XKR3: variants seen among roughly 807,000 people sequenced by gnomAD.
The protein encoded by XKR3 is XK related 3.
In XKR3, 27 loss-of-function variants were observed where a neutral mutation model predicts 40.3. That is an observed-to-expected ratio of 0.67 (90% confidence interval 0.49 to 0.92). The LOEUF is 0.92. XKR3 is among the 40% of genes least tolerant of loss of function. XKR3 has a pLI of 0.00. For missense variants in XKR3, 472 were observed against 537.6 expected, an observed-to-expected ratio of 0.88 and a Z score of 1.21; for synonymous variants, 193 against 195.4, an observed-to-expected ratio of 0.99 and a Z score of 0.10.
At chr22:16,805,205 A>T (rs1273791058) in intron 2 of XKR3, among the ~76,000 whole-genome samples, 3 of 152,232 alleles carry the variant, frequency 2.0e-5, no homozygotes, top group Non-Finnish European at 4.4e-5. Flanking sequence ...ACACAAAAAA[A>T]CATTAAAGCT....
chr22:16,806,627 C>T (rs1384632472), intron 2 of XKR3, among the ~76,000 whole-genome samples: 5 of 151,762 alleles, frequency 3.3e-5, no homozygotes, highest in Admixed American at 6.6e-5. Flanking sequence ...TTAGCAGAGA[C>T]GGTTTTTCAC....
chr22:16,800,105 G>A (rs2060162367), intron 2 of XKR3, 81 bp from the exon 3 acceptor site: 6 of 1,490,542 alleles, frequency 4.0e-6, no homozygotes, highest in Non-Finnish European at 4.5e-6. Flanking sequence ...ATCAGGAGAG[G>A]AACTCTTAAT....
chr22:16,786,759 A>C (rs2060092432), intron 3 of XKR3, among the ~76,000 whole-genome samples: 2 of 152,164 alleles, frequency 1.3e-5, no homozygotes. Context: ...ATCTCTGGAC[A>C]GGCTTACTGT....
intron 3 of XKR3, among the ~76,000 whole-genome samples, chr22:16,792,729 A>G (rs1405348888): frequency 6.6e-6 from 1 of 152,250 alleles, no homozygotes; most frequent in Non-Finnish European, 1.5e-5. Flanking sequence ...CTGATGTCAA[A>G]TGACATCTTT....
At chr22:16,792,618 G>A (rs1337663046) in intron 3 of XKR3, among the ~76,000 whole-genome samples, 3 of 152,194 alleles carry the variant, frequency 2.0e-5, no homozygotes, top group Non-Finnish European at 4.4e-5. Context: ...ATGCCCACTT[G>A]TCAAATATCT....
At chr22:16,801,685 G>T (rs2060169568) in intron 2 of XKR3, among the ~76,000 whole-genome samples, 1 of 140,596 alleles carries the variant, frequency 7.1e-6, no homozygotes, top group African/African-American at 2.8e-5. Context: ...AAAGCTATCA[G>T]CAAAAAAAAA....
chr22:16,815,126 TTC>T (rs1360779103), intron 1 of XKR3, among the ~76,000 whole-genome samples: 2 of 151,804 alleles, frequency 1.3e-5, no homozygotes, highest in African/African-American at 4.8e-5. Context: ...CTGAGGTATT[TTC>T]TTTCTATTCC....
At chr22:16,808,598 T>C (rs1280428769) in intron 1 of XKR3, among the ~76,000 whole-genome samples, 1 of 152,208 alleles carries the variant, frequency 6.6e-6, no homozygotes, top group Non-Finnish European at 1.5e-5. Flanking sequence ...GCATTTAAAA[T>C]ACTGTTTCTT....
chr22:16,783,684 T>C lies in XKR3; in HGVS notation c.1315A>G (p.Asn439Asp). The change falls in exon 4 of 4, where the codon AAT (asparagine) becomes GAT (aspartate). Residue 439 changes from asparagine (N) to aspartate (D), a missense_variant. Transcript: ENST00000684488. Reference sequence around the variant, plus strand: ...ACCCTATTGCAGGAGTGACAGTAATTCCTCAGCTGCTTATTTTTATTCTTT... The same window carrying C: ...ACCCTATTGCAGGAGTGACAGTAATCCCTCAGCTGCTTATTTTTATTCTTT... ...TEKNKNKQLRNYCHSCNRVGY... is the reference protein window; with the variant it reads ...TEKNKNKQLRDYCHSCNRVGY... The C allele has an allele frequency of 1.2e-6, 2 of 1,613,124 alleles. No individual in the cohort carries two copies. Among genetic ancestry groups the C allele is most frequent in the Non-Finnish European group, 1.7e-6 (2 of 1,179,826 alleles).
At chr22:16,784,556 T>C (rs1601837561) in intron 3 of XKR3, 147 bp from the exon 4 acceptor site, 4 of 833,842 alleles carry the variant, frequency 4.8e-6, no homozygotes, top group Non-Finnish European at 7.3e-6. Context: ...GGTTTGTTAA[T>C]CTTCCATTTT....
chr22:16,803,956 A>T (rs751663760), intron 2 of XKR3, among the ~76,000 whole-genome samples: 38 of 152,182 alleles, frequency 2.5e-4, no homozygotes, highest in Middle Eastern at 3.2e-3. Flanking sequence ...CTTGCACAAG[A>T]TCCAAGAACC....
intron 1 of XKR3, among the ~76,000 whole-genome samples, chr22:16,812,798 C>T (rs1242037959): frequency 2.6e-5 from 4 of 152,124 alleles, no homozygotes; most frequent in African/African-American, 9.7e-5. Context: ...AACTCTGTAC[C>T]ATTAGCATTC....
Position 16,797,326 on chromosome 22 carries a change from C to T in XKR3, c.589+2445G>A, listed in dbSNP as rs574471878. Among the ~76,000 whole-genome samples the T allele has an allele frequency of 7.0e-4, 107 of 152,132 alleles. No individual in the cohort carries two copies. The East Asian group carries it at 0.018, about 26-fold the overall frequency. On this transcript the variant is annotated intron_variant, in intron 3 of 3. Transcript: ENST00000684488. ...AAAACACAAAAATAGAAAATTGGGA[C>T]CTAATTAAACTAAAGGTTTTCCGCA...
chr22:16,808,161 C>A, intron 1 of XKR3, 78 bp from the exon 2 acceptor site: 1 of 1,037,644 alleles, frequency 9.6e-7, no homozygotes, highest in South Asian at 1.9e-5. Flanking sequence ...ACAAGATTCT[C>A]TATAATTCAC....
intron 2 of XKR3, among the ~76,000 whole-genome samples, chr22:16,800,855 A>G (rs1241802438): frequency 6.6e-6 from 1 of 152,216 alleles, no homozygotes; most frequent in East Asian, 1.9e-4. Context: ...GAAATAATGG[A>G]GTACTTCAGA....
At chr22:16,816,366 G>A (rs2060233256) in intron 1 of XKR3, among the ~76,000 whole-genome samples, 1 of 150,560 alleles carries the variant, frequency 6.6e-6, no homozygotes, top group Admixed American at 6.6e-5. Context: ...TACACTTTCT[G>A]TAGTTATTCA....
rs1456414406 is a variant in XKR3, at chr22:16,784,404, G to A, written c.595C>T (p.Leu199=). 9.3e-5 allele frequency: 147 copies of A among 1,588,558 alleles called. No homozygotes were observed. The highest frequency in any genetic ancestry group is 1.2e-4 in the Non-Finnish European group (141 of 1,169,734). Residue 199 remains leucine (L), a synonymous_variant, in exon 4 of 4, where the codon CTG becomes TTG. Transcript: ENST00000684488. ...IREWPLNRAL[L]MTFSLLSVTY... is the part of the protein sequence containing the mutation. ...ACTGATAACAGGGAAAATGTCATCA[G>A]CAATGCTATTAAAGACAAACATGAA...
At chr22:16,789,972 A>G (rs973951206) in intron 3 of XKR3, among the ~76,000 whole-genome samples, 22 of 152,134 alleles carry the variant, frequency 1.4e-4, no homozygotes, top group Non-Finnish European at 2.2e-4. Flanking sequence ...TACAAAAAAT[A>G]ACTCAAATAC....
At chr22:16,816,594 G>T (rs569448191) in intron 1 of XKR3, among the ~76,000 whole-genome samples, 1 of 151,526 alleles carries the variant, frequency 6.6e-6, no homozygotes, top group East Asian at 1.9e-4. Context: ...AAAAATAATA[G>T]GTTTTATACT....
Sources: allele counts gnomAD v4.1 joint callset (sites outside exome capture counted in the v4.1 genomes callset), GRCh38; gene constraint gnomAD v4.1.1; transcripts MANE v1.5; gene names NCBI Gene and HGNC (gene_info 2026-07-23, HGNC 2026-07-21).